KRT20: variants seen among roughly 807,000 people sequenced by gnomAD.
KRT20 encodes the protein keratin, type I cytoskeletal 20.
KRT20 carries 41 observed loss-of-function variants against 43.0 expected under a neutral mutation model. The observed-to-expected ratio is 0.95, with a 90% CI of 0.74 to 1.24. KRT20 has a LOEUF of 1.24. KRT20 is among the 50% of genes most tolerant of loss of function. The probability of loss-of-function intolerance (pLI) is 0.00; values close to 1 mark genes in which losing one functional copy is unlikely to be tolerated. For synonymous variants in KRT20, 207 were observed against 200.6 expected, an observed-to-expected ratio of 1.03 and a Z score of -0.27; for missense variants, 533 against 521.2, an observed-to-expected ratio of 1.02 and a Z score of -0.22.
intron 4 of KRT20, 33 bp from the exon 5 acceptor site, chr17:40,879,971 A>T (rs1334346555): frequency 6.2e-7 from 1 of 1,604,516 alleles, no homozygotes; most frequent in African/African-American, 1.3e-5. Context: ...AAAATAGTTG[A>T]GGGGTGGAAA....
Position 40,878,197 on chromosome 17 carries a change from G to C in KRT20, c.1087C>G (p.Leu363Val). 1 of 1,614,068 alleles carries C rather than the reference G, an allele frequency of 6.2e-7. No individual in the cohort carries two copies. The highest frequency in any genetic ancestry group is 8.5e-7 in the Non-Finnish European group (1 of 1,180,012). ...CGGTAAGTAGCAATTTCCTGTTCAA[G>C]TCGAGTCTTTATGTCAAGAAGGATA... ...YHILLDIKTR[L>V]EQEIATYRRL... Residue 363 changes from leucine to valine, a missense_variant, in exon 6 of 8, where the codon CTT (leucine) becomes GTT (valine). Transcript: ENST00000167588.
intron 5 of KRT20, among the ~76,000 whole-genome samples, chr17:40,879,268 T>C (rs1907482268): frequency 1.3e-5 from 2 of 152,310 alleles, no homozygotes; most frequent in Middle Eastern, 3.4e-3. Flanking sequence ...CAACATAATT[T>C]GTCATGGGCT....
In KRT20 at chr17:40,880,209, T is replaced by G. The variant is rs772565066; in HGVS notation, c.683A>C (p.Asp228Ala). 7 of 1,613,934 alleles carry G rather than the reference T, an allele frequency of 4.3e-6. No homozygotes were observed. The South Asian group carries it at 7.7e-5, about 18-fold the overall frequency. ...GCCAAGGTTCAGGCCTGGAGCAGCA[T>G]CAACCTCCACATTGACAGTGTTGCC... ...HLGNTVNVEVDAAPGLNLGVI... is the reference protein window; with the variant it reads ...HLGNTVNVEVAAAPGLNLGVI... The change falls in exon 4 of 8, where the codon GAT becomes GCT. Residue 228 changes from aspartate to alanine, a missense_variant. Coordinates refer to ENST00000167588, the MANE Select transcript of KRT20 (RefSeq NM_019010.3).
chr17:40,876,582 T>C (rs1196901089), intron 7 of KRT20, 124 bp from the exon 8 acceptor site: 16 of 508,446 alleles, frequency 3.1e-5, no homozygotes, highest in Non-Finnish European at 5.3e-5. Context: ...GTTAAACCCA[T>C]CCTCTTTCTC....
Position 40,879,725 on chromosome 17 carries a change from T to A in KRT20, c.918+88A>T, listed in dbSNP as rs1280066172. ...GTTCTGCAAGGGGAAGGGTTATTTC[T>A]TGTAGGTCTTTGCATTTCTATAGTT... On this transcript the variant is annotated intron_variant, in intron 5 of 7. Coordinates refer to ENST00000167588, the MANE Select transcript of KRT20 (RefSeq NM_019010.3). 2.8e-5 allele frequency: 40 copies of A among 1,444,624 alleles called. No homozygotes were observed. The Admixed American group carries it at 7.2e-4, about 26-fold the overall frequency. 89.5% of individuals were successfully genotyped at this position (1,444,624 alleles called of 1,614,324 possible). A position where few individuals can be genotyped will look rare whatever the true frequency, so the allele number is the denominator to read the frequency against.
chr17:40,884,850 C>T lies in KRT20; in HGVS notation c.336G>A (p.Arg112=), dbSNP rs905996087. The stretch of plus-strand genomic sequence containing the variant: ...AATATGCACTGTAGTCGCGACCAGC[C>T]CTCGGGGCGTTGGTTTCGTACCACT... ...IKQWYETNAP[R]AGRDYSAYYR... The change falls in exon 1 of 8, where the codon AGG becomes AGA. Residue 112 remains arginine (R), a synonymous_variant. Coordinates refer to ENST00000167588, the MANE Select transcript of KRT20 (RefSeq NM_019010.3). 1 of 1,614,194 alleles carries T rather than the reference C, an allele frequency of 6.2e-7. No homozygotes were observed. The highest frequency in any genetic ancestry group is 2.2e-5 in the East Asian group (1 of 44,878).
chr17:40,880,511 C>T (rs906444024), intron 3 of KRT20, 103 bp downstream of exon 3: 13 of 1,001,734 alleles, frequency 1.3e-5, no homozygotes, highest in Non-Finnish European at 1.6e-5. Flanking sequence ...TCACTATCAC[C>T]ACCAACTCTT....
chr17:40,876,268 G>A lies in KRT20; in HGVS notation c.*93C>T. The A allele has an allele frequency of 1.2e-6, 1 of 808,988 alleles. No homozygotes were observed. The highest frequency in any genetic ancestry group is 1.4e-5 in the South Asian group (1 of 70,424). The allele number at this position is 808,988 out of a possible 1,614,324, so 50.1% of individuals were successfully genotyped here. A position where few individuals can be genotyped will look rare whatever the true frequency, so the allele number is the denominator to read the frequency against. On this transcript the variant is annotated 3_prime_UTR_variant, in exon 8 of 8. Coordinates refer to ENST00000167588, the MANE Select transcript of KRT20 (RefSeq NM_019010.3). ...CTAATCACTGCAGAGTATTAATAGT[G>A]CTTTCTTATGGCTGATTTCTTGCAG... is the stretch of plus-strand genomic sequence containing the variant.
intron 1 of KRT20, among the ~76,000 whole-genome samples, chr17:40,883,881 T>C (rs1907700905): frequency 6.6e-6 from 1 of 152,216 alleles, no homozygotes; most frequent in Non-Finnish European, 1.5e-5. Flanking sequence ...CAAAGTAACT[T>C]CCCATGGAGT....
At position 40,882,568 on chromosome 17, in the gene KRT20, C is replaced by T; in HGVS notation, c.473+4G>A. 5.2e-6 allele frequency: 8 copies of T among 1,539,278 alleles called. No individual in the cohort carries two copies. The highest frequency in any genetic ancestry group is 7.0e-6 in the Non-Finnish European group (8 of 1,137,570). ...AAACTTTTGCCACGTATTAGGGAACCTACTTCAGTCTGAAGTCCTCAGCAG... is the reference window on the plus strand; with the variant it reads ...AAACTTTTGCCACGTATTAGGGAACTTACTTCAGTCTGAAGTCCTCAGCAG... On this transcript the variant is annotated splice_donor_region_variant and intron_variant, in intron 2 of 7. Coordinates refer to ENST00000167588, the MANE Select transcript of KRT20 (RefSeq NM_019010.3).
chr17:40,878,114 G>T (rs1443800568), intron 6 of KRT20, 31 bp downstream of exon 6: 1 of 1,540,894 alleles, frequency 6.5e-7, no homozygotes, highest in Non-Finnish European at 9.0e-7. Flanking sequence ...TACAGATATT[G>T]ACACCTATTC....
At position 40,882,593 on chromosome 17, in the gene KRT20, G is replaced by C; in HGVS notation, c.452C>G (p.Ala151Gly). ...CVLQIDNAKL[A>G]AEDFRLKYET... ...CTACTTCAGTCTGAAGTCCTCAGCAGCCAGTTTAGCATTATCAATTTGCAG... is the reference window on the plus strand; with the variant it reads ...CTACTTCAGTCTGAAGTCCTCAGCACCCAGTTTAGCATTATCAATTTGCAG... The change falls in exon 2 of 8, where the codon GCT becomes GGT. Residue 151 changes from alanine (A) to glycine (G), a missense_variant. Physicochemically the swap from Ala to Gly is moderately conservative, Grantham distance 60. Coordinates refer to ENST00000167588, the MANE Select transcript of KRT20 (RefSeq NM_019010.3). 1.9e-6 allele frequency: 3 copies of C among 1,569,814 alleles called. No individual in the cohort carries two copies. The highest frequency in any genetic ancestry group is 2.6e-6 in the Non-Finnish European group (3 of 1,155,974).
In KRT20 at chr17:40,885,062, G is replaced by C; in HGVS notation, c.124C>G (p.Arg42Gly). 6.2e-7 allele frequency: 1 copy of C among 1,614,068 alleles called. No homozygotes were observed. Among genetic ancestry groups the C allele is most frequent in the Non-Finnish European group, 8.5e-7 (1 of 1,180,012 alleles). Reference protein sequence around the residue: ...TPSVYGGAGGRGIRISNSRHT... With the variant: ...TPSVYGGAGGGGIRISNSRHT... ...CTGGAGTTGGAGATGCGGATGCCCC[G>C]GCCTCCAGCACCCCCATAAACGCTG... The change falls in exon 1 of 8, where the codon CGG becomes GGG. Residue 42 changes from arginine to glycine, a missense_variant. Physicochemically the swap from Arg to Gly is moderately radical, Grantham distance 125 (BLOSUM62 -2). Transcript: ENST00000167588.
intron 1 of KRT20, among the ~76,000 whole-genome samples, chr17:40,883,363 C>T (rs897722067): frequency 4.6e-5 from 7 of 152,186 alleles, no homozygotes; most frequent in African/African-American, 1.7e-4. Context: ...AACATTGCTT[C>T]ATAGGAGCCT....
chr17:40,876,584 C>T, intron 7 of KRT20, 126 bp from the exon 8 acceptor site: 1 of 504,320 alleles, frequency 2.0e-6, no homozygotes, highest in Non-Finnish European at 3.3e-6. Context: ...TAAACCCATC[C>T]TCTTTCTCAA....
chr17:40,880,620 A>T lies in KRT20; in HGVS notation c.624T>A (p.His208Gln). The T allele has an allele frequency of 1.2e-6, 2 of 1,612,910 alleles. No homozygotes were observed. The highest frequency in any genetic ancestry group is 1.7e-6 in the Non-Finnish European group (2 of 1,179,480). The part of the protein sequence containing the change: ...NKDLALLKKE[H>Q]QEEVDGLHKH... ...CTTCTGAATATTTTCTCACCTCCTG[A>T]TGCTCCTTTTTGAGGAGAGCTAGGT... The change falls in exon 3 of 8, where the codon CAT (histidine) becomes CAA (glutamine). Residue 208 changes from histidine to glutamine, a missense_variant. By Grantham distance (24) the His-to-Gln change is conservative (BLOSUM62 0). Transcript: ENST00000167588.
At position 40,877,361 on chromosome 17, in the gene KRT20, G is replaced by A; in HGVS notation, c.1177+19C>T. ...AGCAGCTGAATGTCATAGAAAATGT[G>A]CAAAAATTTAGAACTTACCTCTCTC... On this transcript the variant is annotated intron_variant, in intron 7 of 7. Transcript: ENST00000167588. 6.6e-7 allele frequency: 1 copy of A among 1,522,496 alleles called. No individual in the cohort carries two copies. Among genetic ancestry groups the A allele is most frequent in the Admixed American group, 2.4e-5 (1 of 42,084 alleles). 94.3% of individuals were successfully genotyped at this position (1,522,496 alleles called of 1,614,324 possible).
rs141351834 is a variant in KRT20 at position 40,880,487 on chromosome 17, C to T, written c.630+127G>A. Reference sequence around the variant, plus strand: ...GTAGGGCTTGTATCATTATTGTCATCGTCATCATCTCTGTCACTATCACCA... The same window carrying T: ...GTAGGGCTTGTATCATTATTGTCATTGTCATCATCTCTGTCACTATCACCA... On this transcript the variant is annotated intron_variant, in intron 3 of 7. Transcript: ENST00000167588. 342 of 852,572 alleles carry T rather than the reference C, an allele frequency of 4.0e-4. 1 individual carries two copies. In the African/African-American group the frequency reaches 4.9e-3, roughly 12 times the overall value. The allele number at this position is 852,572 out of a possible 1,614,324, so 52.8% of individuals were successfully genotyped here. A position where few individuals can be genotyped will look rare whatever the true frequency, so the allele number is the denominator to read the frequency against.
At position 40,878,156 on chromosome 17, in the gene KRT20, T is replaced by C; in HGVS notation, c.1128A>G (p.Gly376=). The C allele has an allele frequency of 1.2e-6, 2 of 1,613,828 alleles. No homozygotes were observed. The highest frequency in any genetic ancestry group is 2.2e-5 in the South Asian group (2 of 91,070). ...TCTAAGAGCCTTACTTTACGTCTTCTCCTTCCAGAAGGCGGCGGTAAGTAG... is the reference window on the plus strand; with the variant it reads ...TCTAAGAGCCTTACTTTACGTCTTCCCCTTCCAGAAGGCGGCGGTAAGTAG... The part of the protein sequence containing the change: ...EIATYRRLLE[G]EDVKTTEYQL... Residue 376 remains glycine (G), a synonymous_variant, in exon 6 of 8, where the codon GGA becomes GGG. Coordinates refer to ENST00000167588, the MANE Select transcript of KRT20 (RefSeq NM_019010.3).
Sources: gnomAD v4.1 joint callset for allele counts (sites outside exome capture counted in the v4.1 genomes callset) on GRCh38, gnomAD v4.1.1 for gene constraint, MANE v1.5 for transcripts, NCBI Gene and HGNC (gene_info 2026-07-23, HGNC 2026-07-21) for gene names.